Variants in CDKAL1 observed in about 807,000 individuals in gnomAD.
The protein encoded by CDKAL1 is CDKAL1 threonylcarbamoyladenosine tRNA methylthiotransferase, also known as threonylcarbamoyladenosine tRNA methylthiotransferase.
Under a neutral mutation model 68.2 loss-of-function variants are expected in CDKAL1, and 32 were observed. The ratio of observed to expected loss-of-function variants is 0.47; its 90% CI spans 0.35 to 0.63. The LOEUF is 0.63. CDKAL1 is among the 30% of genes least tolerant of loss of function. CDKAL1 has a pLI of 0.00. For synonymous variants in CDKAL1, 234 were observed against 244.3 expected (o/e 0.96, Z 0.39); for missense variants, 606 against 696.7 (o/e 0.87, Z 1.47).
chr6:21,010,965 C>A (rs1451899758), intron 11 of CDKAL1, among the ~76,000 whole-genome samples: 2 of 151,162 alleles, frequency 1.3e-5, no homozygotes. Flanking sequence ...ACCTGTAGTT[C>A]CAGCTACTTG....
intron 13 of CDKAL1, among the ~76,000 whole-genome samples, chr6:21,133,305 T>G (rs1255616303): frequency 6.6e-6 from 1 of 152,226 alleles, no homozygotes; most frequent in African/African-American, 2.4e-5. Context: ...TTAAAATAAT[T>G]AAACAGCTTC....
At chr6:20,773,641 G>T (rs1007476046) in intron 7 of CDKAL1, among the ~76,000 whole-genome samples, 3 of 151,860 alleles carry the variant, frequency 2.0e-5, no homozygotes, top group African/African-American at 7.3e-5. Context: ...TCCACCTTCT[G>T]GGTTCACGCC....
intron 5 of CDKAL1, among the ~76,000 whole-genome samples, chr6:20,676,289 C>G (rs944015176): frequency 2.6e-5 from 4 of 152,108 alleles, no homozygotes; most frequent in Non-Finnish European, 5.9e-5. Context: ...TTCACATTCA[C>G]TCAACACTCA....
At chr6:20,885,853 G>A (rs924283642) in intron 9 of CDKAL1, among the ~76,000 whole-genome samples, 2 of 152,262 alleles carry the variant, frequency 1.3e-5, no homozygotes, top group Non-Finnish European at 2.9e-5. Context: ...AGGCCGAGGT[G>A]CATCAGATCA....
intron 10 of CDKAL1, among the ~76,000 whole-genome samples, chr6:20,998,508 C>T (rs1421105293): frequency 4.6e-5 from 7 of 151,738 alleles, no homozygotes; most frequent in East Asian, 1.9e-4. Flanking sequence ...GCTACTTGGA[C>T]GCTTAGGCAG....
intron 6 of CDKAL1, among the ~76,000 whole-genome samples, chr6:20,750,689 C>A (rs1167992961): frequency 6.6e-6 from 1 of 152,000 alleles, no homozygotes; most frequent in East Asian, 1.9e-4. Context: ...ATCAGCCAGG[C>A]GTGGTGACTC....
At chr6:21,078,935 A>G (rs1228817306) in intron 12 of CDKAL1, among the ~76,000 whole-genome samples, 1 of 152,194 alleles carries the variant, frequency 6.6e-6, no homozygotes, top group Admixed American at 6.5e-5. Flanking sequence ...ACCTAGCACA[A>G]TACCTGGCAT....
chr6:21,100,466 C>G (rs910946859), intron 12 of CDKAL1, among the ~76,000 whole-genome samples: 1 of 152,092 alleles, frequency 6.6e-6, no homozygotes, highest in Admixed American at 6.5e-5. Flanking sequence ...GAAAGAAGTT[C>G]AAGACAACAG....
At chr6:20,658,725 C>G (rs1769144381) in intron 5 of CDKAL1, among the ~76,000 whole-genome samples, 2 of 152,088 alleles carry the variant, frequency 1.3e-5, no homozygotes, top group South Asian at 4.1e-4. Flanking sequence ...AGTAATTATC[C>G]AGTTTAAAAG....
At chr6:20,798,962 C>G (rs1297384166) in intron 8 of CDKAL1, among the ~76,000 whole-genome samples, 1 of 142,760 alleles carries the variant, frequency 7.0e-6, no homozygotes, top group Non-Finnish European at 1.5e-5. Context: ...AAAAGGTTTG[C>G]ATCTCATTTA....
chr6:20,969,469 G>T (rs1765485045), intron 10 of CDKAL1, among the ~76,000 whole-genome samples: 1 of 152,112 alleles, frequency 6.6e-6, no homozygotes, highest in South Asian at 2.1e-4. Flanking sequence ...CAGTCTCAGG[G>T]GTGGTAAAGA....
chr6:21,120,404 G>A (rs16884524), intron 13 of CDKAL1, among the ~76,000 whole-genome samples: 38,480 of 152,154 alleles, frequency 0.25, 4,973 homozygotes, highest in South Asian at 0.37. Context: ...AATTAATACA[G>A]TTGGAATGTT....
At chr6:21,196,885 T>C (rs1778491118) in intron 13 of CDKAL1, among the ~76,000 whole-genome samples, 1 of 151,996 alleles carries the variant, frequency 6.6e-6, no homozygotes, top group Admixed American at 6.6e-5. Context: ...AGTCCAGGCA[T>C]GGTGGCTCAT....
At chr6:20,719,987 A>C (rs1772268097) in intron 5 of CDKAL1, among the ~76,000 whole-genome samples, 1 of 152,150 alleles carries the variant, frequency 6.6e-6, no homozygotes. Context: ...TCTATTCCTT[A>C]CAGTTTACCT....
intron 13 of CDKAL1, among the ~76,000 whole-genome samples, chr6:21,163,759 C>T (rs1398950582): frequency 6.6e-6 from 1 of 152,090 alleles, no homozygotes; most frequent in Non-Finnish European, 1.5e-5. Context: ...TTGAGACCAG[C>T]CTGGCCAACA....
chr6:21,230,623 A>T (rs1779929172), intron 15 of CDKAL1, among the ~76,000 whole-genome samples: 1 of 151,946 alleles, frequency 6.6e-6, no homozygotes, highest in South Asian at 2.1e-4. Context: ...CATACAGTTT[A>T]TGTGTAGTCT....
chr6:20,749,413 G>A (rs1016137534), intron 6 of CDKAL1, among the ~76,000 whole-genome samples: 11 of 152,168 alleles, frequency 7.2e-5, no homozygotes, highest in South Asian at 2.1e-4. Flanking sequence ...CTCTTCTGCC[G>A]GAGGTTCGCA....
chr6:20,632,788 A>G (rs1379870148), intron 4 of CDKAL1, among the ~76,000 whole-genome samples: 3 of 152,304 alleles, frequency 2.0e-5, no homozygotes, highest in South Asian at 2.1e-4. Flanking sequence ...TGCTTAGTTC[A>G]TCGAGGGACT....
chr6:21,172,525 A>T (rs1284984876), intron 13 of CDKAL1, among the ~76,000 whole-genome samples: 1 of 152,216 alleles, frequency 6.6e-6, no homozygotes, highest in African/African-American at 2.4e-5. Context: ...AGAGGCGGGC[A>T]GATCGCTCGA....
Sources: allele counts gnomAD v4.1 joint callset (sites outside exome capture counted in the v4.1 genomes callset), GRCh38; gene constraint gnomAD v4.1.1; transcripts MANE v1.5; gene names NCBI Gene and HGNC (gene_info 2026-07-23, HGNC 2026-07-21).